PSEN1: variants seen among roughly 807,000 people sequenced by gnomAD.
PSEN1 encodes presenilin 1, also known as presenilin-1.
A neutral mutation model predicts 53.5 loss-of-function variants in PSEN1; 15 were observed. The observed-to-expected ratio is 0.28, with a 90% CI of 0.19 to 0.43. The LOEUF is 0.43. PSEN1 is among the 20% of genes least tolerant of loss of function. The pLI is 1.00. For synonymous variants in PSEN1, 208 were observed against 209.8 expected, an observed-to-expected ratio of 0.99 and a Z score of 0.08; for missense variants, 387 against 571.2, an observed-to-expected ratio of 0.68 and a Z score of 3.29.
intron 5 of PSEN1, among the ~76,000 whole-genome samples, chr14:73,185,211 G>C (rs1438280998): frequency 6.6e-6 from 1 of 152,138 alleles, no homozygotes; most frequent in African/African-American, 2.4e-5. Flanking sequence ...GGTGGCGGCC[G>C]GGCAGAGGCT....
At chr14:73,185,581 C>G (rs1000624729) in intron 5 of PSEN1, among the ~76,000 whole-genome samples, 5 of 151,642 alleles carry the variant, frequency 3.3e-5, no homozygotes, top group Non-Finnish European at 7.4e-5. Context: ...AGAGGGAGAC[C>G]GTGGAAAGAG....
At chr14:73,144,136 G>C (rs1383461872) in intron 1 of PSEN1, among the ~76,000 whole-genome samples, 2 of 146,212 alleles carry the variant, frequency 1.4e-5, no homozygotes, top group African/African-American at 5.0e-5. Flanking sequence ...TGCCTCCTGG[G>C]TTCAAGCAAT....
intron 10 of PSEN1, among the ~76,000 whole-genome samples, chr14:73,214,714 A>G (rs1220869904): frequency 6.6e-6 from 1 of 152,188 alleles, no homozygotes; most frequent in Admixed American, 6.5e-5. Flanking sequence ...AAAAAGAAAA[A>G]TACTGTATGA....
chr14:73,183,551 C>G (rs1422195602), intron 5 of PSEN1, among the ~76,000 whole-genome samples: 1 of 152,136 alleles, frequency 6.6e-6, no homozygotes. Flanking sequence ...CATCTTGCAC[C>G]GCCCTTAATC....
In PSEN1 at chr14:73,216,299, C is replaced by T. The variant is rs182496163; in HGVS notation, c.1130-827C>T. Among the ~76,000 whole-genome samples the T allele has an allele frequency of 2.8e-3, 426 of 152,206 alleles. 1 individual carries two copies. Among genetic ancestry groups the T allele is most frequent in the African/African-American group, 9.7e-3 (402 of 41,530 alleles). ...GGTAGGAGTGGGGATTAACTGTAAACGGGTACAAGGTACCTGACTGGGGCA... is the reference window on the plus strand; with the variant it reads ...GGTAGGAGTGGGGATTAACTGTAAATGGGTACAAGGTACCTGACTGGGGCA... On this transcript the variant is annotated intron_variant, in intron 10 of 11. Coordinates refer to ENST00000324501, the MANE Select transcript of PSEN1 (RefSeq NM_000021.4).
chr14:73,138,608 C>G (rs1379202735), intron 1 of PSEN1, among the ~76,000 whole-genome samples: 1 of 152,116 alleles, frequency 6.6e-6, no homozygotes, highest in East Asian at 1.9e-4. Flanking sequence ...CCGCCTTGGC[C>G]TCCCAGAGTG....
rs1390720073 is a variant in PSEN1, at chr14:73,221,323, G to A, written c.*2034G>A. The A allele has an allele frequency of 6.6e-6, 1 of 152,214 alleles. No individual in the cohort carries two copies. Among genetic ancestry groups the A allele is most frequent in the Middle Eastern group, 3.2e-3 (1 of 316 alleles). The allele number at this position is 152,214 out of a possible 1,614,324, so 9.4% of individuals were successfully genotyped here. A position where few individuals can be genotyped will look rare whatever the true frequency, so the allele number is the denominator to read the frequency against. On this transcript the variant is annotated 3_prime_UTR_variant, in exon 12 of 12. Transcript: ENST00000324501. ...ATTGAGAAAGCACAGCTACAGCAAAGCCACCTGAATAGCAATTTGTGATTG... is the reference window on the plus strand; with the variant it reads ...ATTGAGAAAGCACAGCTACAGCAAAACCACCTGAATAGCAATTTGTGATTG...
At chr14:73,148,489 AC>A (rs1305605170) in intron 3 of PSEN1, among the ~76,000 whole-genome samples, 2 of 152,218 alleles carry the variant, frequency 1.3e-5, no homozygotes, top group African/African-American at 4.8e-5. Context: ...TTATGATTGT[AC>A]AATGCAAGGA....
intron 3 of PSEN1, among the ~76,000 whole-genome samples, chr14:73,165,161 G>A (rs1405308967): frequency 1.3e-5 from 2 of 152,012 alleles, no homozygotes; most frequent in Non-Finnish European, 2.9e-5. Context: ...TCACCATGTT[G>A]GCCAGGCTGG....
chr14:73,137,690 G>A (rs1896784554), intron 1 of PSEN1, among the ~76,000 whole-genome samples: 1 of 152,204 alleles, frequency 6.6e-6, no homozygotes, highest in Admixed American at 6.5e-5. Context: ...CTGAGGAAGG[G>A]GAGGGAAGCT....
chr14:73,198,193 T>C, intron 8 of PSEN1, 64 bp downstream of exon 8: 2 of 941,522 alleles, frequency 2.1e-6, no homozygotes, highest in Non-Finnish European at 3.4e-6. Context: ...CTGAAGCACA[T>C]GTAACTATGG....
chr14:73,189,938 C>CT (rs1255569910), intron 6 of PSEN1: 1 of 157,946 alleles, frequency 6.3e-6, no homozygotes, highest in Non-Finnish European at 1.4e-5. Context: ...GAGCTGGCCT[C>CT]TAACTTCCTT....
At position 73,217,212 on chromosome 14, in the gene PSEN1, A is replaced by C. The variant is rs1046703781; in HGVS notation, c.1216A>C (p.Thr406Pro). 6.2e-7 allele frequency: 1 copy of C among 1,614,008 alleles called. No individual in the cohort carries two copies. Among genetic ancestry groups the C allele is most frequent in the African/African-American group, 1.3e-5 (1 of 74,932 alleles). ...AGCAACAGCCAGTGGAGACTGGAAC[A>C]CAACCATAGCCTGTTTCGTAGCCAT... The part of the protein sequence containing the change: ...ASATASGDWN[T>P]TIACFVAILI... Residue 406 changes from threonine (T) to proline (P), a missense_variant, in exon 11 of 12, where the codon ACA (threonine) becomes CCA (proline). By Grantham distance (38) the Thr-to-Pro change is conservative (BLOSUM62 -1). Around this residue, in one of 4 missense-constraint regions of PSEN1, gnomAD observed 44 missense variants for 106.3 expected, o/e 0.41. Coordinates refer to ENST00000324501, the MANE Select transcript of PSEN1 (RefSeq NM_000021.4).
Position 73,173,592 on chromosome 14 carries a change from C to A in PSEN1, c.365C>A (p.Thr122Asn). The A allele has an allele frequency of 1.9e-6, 3 of 1,614,058 alleles. No homozygotes were observed. Among genetic ancestry groups the A allele is most frequent in the Non-Finnish European group, 2.5e-6 (3 of 1,179,950 alleles). ...QLIYTPFTED[T>N]ETVGQRALHS... ...ATCTATACCCCATTCACAGAAGATA[C>A]CGAGACTGTGGGCCAGAGAGCCCTG... Residue 122 changes from threonine (T) to asparagine (N), a missense_variant, in exon 5 of 12, where the codon ACC becomes AAC. Physicochemically the swap from Thr to Asn is moderately conservative, Grantham distance 65. Around this residue, in one of 4 missense-constraint regions of PSEN1, gnomAD observed 169 missense variants for 299.7 expected, o/e 0.56. Coordinates refer to ENST00000324501, the MANE Select transcript of PSEN1 (RefSeq NM_000021.4).
chr14:73,144,734 G>C (rs1230959718), intron 1 of PSEN1, among the ~76,000 whole-genome samples: 2 of 152,138 alleles, frequency 1.3e-5, no homozygotes, highest in Non-Finnish European at 2.9e-5. Flanking sequence ...TAAGTAGACA[G>C]TGTCTTTCTT....
At position 73,219,631 on chromosome 14, in the gene PSEN1, C is replaced by T; in HGVS notation, c.*342C>T. The T allele has an allele frequency of 2.8e-6, 1 of 356,468 alleles. No individual in the cohort carries two copies. The highest frequency in any genetic ancestry group is 5.4e-6 in the Non-Finnish European group (1 of 185,798). 22.1% of individuals were successfully genotyped at this position (356,468 alleles called of 1,614,324 possible). ...TGGTCACAGGACGATTTCACTGACA[C>T]TGCGAACTCTCAGGACTACCGTTAC... On this transcript the variant is annotated 3_prime_UTR_variant, in exon 12 of 12. Transcript: ENST00000324501.
intron 5 of PSEN1, among the ~76,000 whole-genome samples, chr14:73,183,633 G>C (rs1376332650): frequency 6.6e-6 from 1 of 152,112 alleles, no homozygotes; most frequent in African/African-American, 2.4e-5. Flanking sequence ...CAGATCAACA[G>C]GATCCCAAGG....
intron 1 of PSEN1, 96 bp downstream of exon 1, chr14:73,136,679 G>A (rs1038074814): frequency 1.3e-5 from 2 of 152,316 alleles, no homozygotes; most frequent in Middle Eastern, 3.2e-3. Flanking sequence ...GGGCCGCGAA[G>A]CCGGTGTCCT....
At chr14:73,164,979 C>T (rs959431135) in intron 3 of PSEN1, among the ~76,000 whole-genome samples, 17 of 151,668 alleles carry the variant, frequency 1.1e-4, no homozygotes, top group African/African-American at 3.6e-4. Flanking sequence ...TTTTTTGAGA[C>T]GGAGTCTCAT....
Sources: allele counts gnomAD v4.1 joint callset (sites outside exome capture counted in the v4.1 genomes callset), GRCh38; gene constraint gnomAD v4.1.1; regional missense constraint gnomAD v4.1.1; transcripts MANE v1.5; gene names NCBI Gene and HGNC (gene_info 2026-07-23, HGNC 2026-07-21).